The following PPIL4 variants were observed in gnomAD, a reference collection of about 807,000 sequenced individuals.
PPIL4 encodes peptidylprolyl isomerase like 4.
A neutral mutation model predicts 69.1 loss-of-function variants in PPIL4; 50 were observed. That is an observed-to-expected ratio of 0.72 (90% CI 0.58 to 0.92). PPIL4 has a LOEUF of 0.92. PPIL4 is among the 40% of genes least tolerant of loss of function. PPIL4 has a pLI of 0.00. For missense variants in PPIL4, 480 were observed against 587.9 expected (o/e 0.82, Z 1.90); for synonymous variants, 193 against 191.6 (o/e 1.01, Z -0.06).
intron 7 of PPIL4, among the ~76,000 whole-genome samples, chr6:149,531,000 G>A (rs1491002880): frequency 1.3e-5 from 2 of 152,156 alleles, no homozygotes; most frequent in African/African-American, 4.8e-5. Flanking sequence ...CATCACTCAC[G>A]TACTATTTCG....
chr6:149,540,477 T>C (rs778568525), intron 4 of PPIL4, among the ~76,000 whole-genome samples: 3 of 151,994 alleles, frequency 2.0e-5, no homozygotes, highest in Admixed American at 6.6e-5. Context: ...TAGCCAGGTG[T>C]TGTGGCAGGC....
In PPIL4 at chr6:149,546,021, TC is replaced by T; in HGVS notation, c.-17del. 1 of 1,565,552 alleles carries T rather than the reference TC, an allele frequency of 6.4e-7. No homozygotes were observed. The highest frequency in any genetic ancestry group is 8.7e-7 in the Non-Finnish European group (1 of 1,153,202). ...GAACCGCCATGGCGCCCGCTCCTCC[TC>T]CGCTACAAACCCCGGGAGGAGGGGG... On this transcript the variant is annotated 5_prime_UTR_variant, in exon 1 of 13. Coordinates refer to ENST00000253329, the MANE Select transcript of PPIL4 (RefSeq NM_139126.4).
At chr6:149,520,735 C>A (rs903017446) in intron 10 of PPIL4, among the ~76,000 whole-genome samples, 4 of 152,088 alleles carry the variant, frequency 2.6e-5, no homozygotes, top group African/African-American at 9.7e-5. Context: ...AAAACAAGGC[C>A]GGGCGCAGTG....
At chr6:149,524,276 T>A (rs1583207830) in intron 9 of PPIL4, among the ~76,000 whole-genome samples, 2 of 152,332 alleles carry the variant, frequency 1.3e-5, no homozygotes, top group East Asian at 3.9e-4. Flanking sequence ...ATGGTCCCTA[T>A]CTTACAGAAC....
chr6:149,505,650 C>T lies in PPIL4; in HGVS notation c.1282G>A (p.Glu428Lys). The T allele has an allele frequency of 6.2e-7, 1 of 1,614,048 alleles. No homozygotes were observed. The highest frequency in any genetic ancestry group is 8.5e-7 in the Non-Finnish European group (1 of 1,179,968). Residue 428 changes from glutamate to lysine, a missense_variant, in exon 13 of 13, where the codon GAG (glutamate) becomes AAG (lysine). Transcript: ENST00000253329. ...GHYEEEESCW[E>K]KQKSEKRDRT... is the part of the protein sequence containing the mutation. ...TCTCTCTTTTCACTCTTTTGTTTCT[C>T]CCAACAGCTTTCTTCTTCTTCATAG...
At chr6:149,515,693 CTTG>C (rs923506103) in intron 11 of PPIL4, among the ~76,000 whole-genome samples, 16 of 152,274 alleles carry the variant, frequency 1.1e-4, no homozygotes, top group African/African-American at 3.6e-4. Flanking sequence ...CCTCAAGACA[CTTG>C]TTGTATCTCC....
Position 149,505,159 on chromosome 6 carries a change from A to G in PPIL4, c.*294T>C. 3.9e-6 allele frequency: 1 copy of G among 259,610 alleles called. No homozygotes were observed. The highest frequency in any genetic ancestry group is 7.3e-6 in the Non-Finnish European group (1 of 136,616). The allele number at this position is 259,610 out of a possible 1,614,324, so 16.1% of individuals were successfully genotyped here. A position where few individuals can be genotyped will look rare whatever the true frequency, so the allele number is the denominator to read the frequency against. ...TTATTATCCCTTTATATATACGTTT[A>G]TGTATTTTTGTAGTATGAAATACTT... On this transcript the variant is annotated 3_prime_UTR_variant, in exon 13 of 13. Coordinates refer to ENST00000253329, the MANE Select transcript of PPIL4 (RefSeq NM_139126.4).
intron 1 of PPIL4, among the ~76,000 whole-genome samples, chr6:149,545,699 A>AC (rs1289966575): frequency 6.6e-6 from 1 of 152,178 alleles, no homozygotes; most frequent in Non-Finnish European, 1.5e-5. Flanking sequence ...GACCGCAAGC[A>AC]CCGTCCACCG....
chr6:149,529,320 T>C (rs1239447184), intron 7 of PPIL4, among the ~76,000 whole-genome samples: 4 of 151,288 alleles, frequency 2.6e-5, no homozygotes, highest in African/African-American at 9.7e-5. Context: ...TAGCCGGGCA[T>C]GGTGGCACAC....
Position 149,546,012 on chromosome 6 carries a change from C to T in PPIL4, c.-7G>A. On this transcript the variant is annotated 5_prime_UTR_variant, in exon 1 of 13. Transcript: ENST00000253329. ...TCTCCAGTAGAACCGCCATGGCGCC[C>T]GCTCCTCCTCCGCTACAAACCCCGG... is the stretch of plus-strand genomic sequence containing the variant. 6.4e-7 allele frequency: 1 copy of T among 1,571,228 alleles called. No homozygotes were observed. Among genetic ancestry groups the T allele is most frequent in the Non-Finnish European group, 8.6e-7 (1 of 1,156,232 alleles).
intron 4 of PPIL4, among the ~76,000 whole-genome samples, chr6:149,540,488 G>A (rs1037585386): frequency 3.3e-5 from 5 of 152,096 alleles, no homozygotes; most frequent in South Asian, 2.1e-4. Flanking sequence ...TGTGGCAGGC[G>A]CATGTAATCC....
At chr6:149,520,871 G>A (rs1242667855) in intron 10 of PPIL4, among the ~76,000 whole-genome samples, 189 bp downstream of exon 10, 1 of 151,962 alleles carries the variant, frequency 6.6e-6, no homozygotes, top group Non-Finnish European at 1.5e-5. Flanking sequence ...AAATTAGCTG[G>A]GCATGGTGGC....
chr6:149,544,179 G>C (rs1777406291), intron 1 of PPIL4, among the ~76,000 whole-genome samples: 1 of 152,076 alleles, frequency 6.6e-6, no homozygotes, highest in Admixed American at 6.6e-5. Flanking sequence ...ACTCTACATG[G>C]GCAGAGCGTC....
chr6:149,530,292 A>G (rs1039561967), intron 7 of PPIL4, among the ~76,000 whole-genome samples: 1 of 152,196 alleles, frequency 6.6e-6, no homozygotes, highest in African/African-American at 2.4e-5. Flanking sequence ...TTGCTCTACA[A>G]ATTGTCTATT....
rs766740916 is a variant in PPIL4 at position 149,505,477 on chromosome 6, ATCTTTGGACT to A, written c.1445_1454del (p.Lys482IlefsTer11). 8 of 1,612,384 alleles carry A rather than the reference ATCTTTGGACT, an allele frequency of 5.0e-6. No homozygotes were observed. The highest frequency in any genetic ancestry group is 1.1e-5 in the South Asian group (1 of 90,580). ...TTCATCTATACTTAGATTTTTCTTT[ATCTTTGGACT>A]TCTTTGGACTTCTGCTTCGGTCTCT... On this transcript the variant is annotated frameshift_variant, in exon 13 of 13. Coordinates refer to ENST00000253329, the MANE Select transcript of PPIL4 (RefSeq NM_139126.4). LOFTEE classifies it high-confidence loss of function.
chr6:149,545,246 T>G (rs1182884934), intron 1 of PPIL4, among the ~76,000 whole-genome samples: 2 of 152,202 alleles, frequency 1.3e-5, no homozygotes, highest in Admixed American at 1.3e-4. Context: ...AGTTCAAGTG[T>G]TCTATATAGT....
chr6:149,535,408 C>T lies in PPIL4; in HGVS notation c.464+188G>A, dbSNP rs1489615002. Reference sequence around the variant, plus strand: ...CAAACATAATTATAAATAATTAGTACAAGTATAAAAATACAAAAAGTCCTT... The same window carrying T: ...CAAACATAATTATAAATAATTAGTATAAGTATAAAAATACAAAAAGTCCTT... On this transcript the variant is annotated intron_variant, in intron 5 of 12. Coordinates refer to ENST00000253329, the MANE Select transcript of PPIL4 (RefSeq NM_139126.4). Among the ~76,000 whole-genome samples the T allele has an allele frequency of 4.6e-5, 7 of 152,128 alleles. No individual in the cohort carries two copies. In the East Asian group the frequency reaches 7.7e-4, roughly 17 times the overall value.
rs143988772 is a variant in PPIL4, at chr6:149,541,062, G to GA, written c.204-4dup. On this transcript the variant is annotated splice_region_variant and splice_polypyrimidine_tract_variant and intron_variant, in intron 3 of 12. Transcript: ENST00000253329. ...TTGCTTGATCACCATACAGTTGGCT[G>GA]AAAAAACATATAAGGTTATAAATGT... 1.1e-3 allele frequency: 1,673 copies of GA among 1,543,128 alleles called. 18 individuals are homozygous for GA. The African/African-American group carries it at 0.02, about 19-fold the overall frequency.
intron 11 of PPIL4, among the ~76,000 whole-genome samples, chr6:149,513,568 TCAA>T (rs1405642126): frequency 3.3e-5 from 5 of 150,550 alleles, no homozygotes; most frequent in East Asian, 3.9e-4. Context: ...AATGAAGTTA[TCAA>T]CAACGATAAA....
Sources: allele counts gnomAD v4.1 joint callset (sites outside exome capture counted in the v4.1 genomes callset), GRCh38; gene constraint gnomAD v4.1.1; transcripts MANE v1.5; gene names NCBI Gene and HGNC (gene_info 2026-07-23, HGNC 2026-07-21).